TBX3: variants seen among roughly 807,000 people sequenced by gnomAD.
TBX3 encodes T-box transcription factor TBX3.
A neutral mutation model predicts 47.8 loss-of-function variants in TBX3; 11 were observed. That is an observed-to-expected ratio of 0.23 (90% CI 0.14 to 0.38). TBX3 has a LOEUF of 0.38. TBX3 is among the 10% of genes least tolerant of loss of function. TBX3 has a pLI of 1.00. For synonymous variants in TBX3, 500 were observed against 449.3 expected (o/e 1.11, Z -1.43); for missense variants, 927 against 1,022.8 (o/e 0.91, Z 1.28).
chr12:114,670,901 T>A lies in TBX3; in HGVS notation c.*940A>T. 1 of 214,468 alleles carries A rather than the reference T, an allele frequency of 4.7e-6. No individual in the cohort carries two copies. Among genetic ancestry groups the A allele is most frequent in the Non-Finnish European group, 9.4e-6 (1 of 106,158 alleles). 13.3% of individuals were successfully genotyped at this position (214,468 alleles called of 1,614,324 possible). On this transcript the variant is annotated 3_prime_UTR_variant, in exon 7 of 7. Transcript: ENST00000349155. The stretch of plus-strand genomic sequence containing the variant: ...TTCCAAGCATTCATATTCCACCTAT[T>A]TACAAGAGTTATCAAATAATTACAT...
intron 2 of TBX3, chr12:114,680,186 C>T (rs1285721504): frequency 1.7e-6 from 1 of 593,074 alleles, no homozygotes; most frequent in East Asian, 2.8e-5. Context: ...CCTAATCTTT[C>T]TGCTTACTCC....
chr12:114,670,953 C>A lies in TBX3; in HGVS notation c.*888G>T, dbSNP rs1015159064. On this transcript the variant is annotated 3_prime_UTR_variant, in exon 7 of 7. Coordinates refer to ENST00000349155, the MANE Select transcript of TBX3 (RefSeq NM_005996.4). ...AATACTTTGTCTAATAGTCTCACTT[C>A]TTTATTATTTTTTTAAAACCTTGTT... 3 of 210,804 alleles carry A rather than the reference C, an allele frequency of 1.4e-5. No individual in the cohort carries two copies. Among genetic ancestry groups the A allele is most frequent in the African/African-American group, 6.8e-5 (3 of 44,212 alleles). The allele number at this position is 210,804 out of a possible 1,614,324, so 13.1% of individuals were successfully genotyped here.
rs1404451909 is a variant in TBX3, at chr12:114,670,307, GA to G, written c.*1533del. 2 of 223,488 alleles carry G rather than the reference GA, an allele frequency of 8.9e-6. No homozygotes were observed. The highest frequency in any genetic ancestry group is 6.5e-5 in the East Asian group (1 of 15,328). 13.8% of individuals were successfully genotyped at this position (223,488 alleles called of 1,614,324 possible). On this transcript the variant is annotated 3_prime_UTR_variant, in exon 7 of 7. Coordinates refer to ENST00000349155, the MANE Select transcript of TBX3 (RefSeq NM_005996.4). ...TTCAGTGATGTTTTAAAGAGAGGGG[GA>G]AAAATACAGAAAACCAAAGAACTCA...
intron 3 of TBX3, among the ~76,000 whole-genome samples, chr12:114,678,261 G>A (rs1169248354): frequency 6.6e-6 from 1 of 152,096 alleles, no homozygotes; most frequent in Non-Finnish European, 1.5e-5. Context: ...GGTGGAGAAG[G>A]CCCATGGCCT....
chr12:114,683,430 C>A lies in TBX3; in HGVS notation c.-230G>T. ...GAGGCCGCTTTTAAAGAGGGCAAGG[C>A]GAAAAATCAGCAAACATAGTCGCGC... On this transcript the variant is annotated 5_prime_UTR_variant, in exon 1 of 7. Transcript: ENST00000349155. This position sits in a 1 kb window ranked among gnomAD's most constrained non-coding sequence, Gnocchi z 7.7. The A allele has an allele frequency of 1.7e-6, 1 of 586,982 alleles. No homozygotes were observed. Among genetic ancestry groups the A allele is most frequent in the Non-Finnish European group, 2.9e-6 (1 of 349,204 alleles). 36.4% of individuals were successfully genotyped at this position (586,982 alleles called of 1,614,324 possible).
chr12:114,671,778 T>G lies in TBX3; in HGVS notation c.*63A>C, dbSNP rs1868438248. The stretch of plus-strand genomic sequence containing the variant: ...CATGGCGGGCCCGTGGTTTATTTTA[T>G]ATCCGACAAAGTGCACGGCAGCCTG... On this transcript the variant is annotated 3_prime_UTR_variant, in exon 7 of 7. Coordinates refer to ENST00000349155, the MANE Select transcript of TBX3 (RefSeq NM_005996.4). The G allele has an allele frequency of 2.6e-6, 4 of 1,541,624 alleles. No individual in the cohort carries two copies. The African/African-American group carries it at 5.5e-5, about 21-fold the overall frequency.
In TBX3 at chr12:114,683,039, G is replaced by T; in HGVS notation, c.162C>A (p.Leu54=). The stretch of plus-strand genomic sequence containing the variant: ...GCTTGGCCAGGGCGCCCGGCAGCGA[G>T]AGCGCCGCCGCGCCGTTGGGAGGCA... ...LTLPPNGAAA[L]SLPGALAKPI... The change falls in exon 1 of 7, where the codon CTC becomes CTA. Residue 54 remains leucine (L), a synonymous_variant. Coordinates refer to ENST00000349155, the MANE Select transcript of TBX3 (RefSeq NM_005996.4). The surrounding 1 kb of genome is among the most constrained non-coding windows in gnomAD (Gnocchi z 7.7). The T allele has an allele frequency of 6.2e-7, 1 of 1,608,092 alleles. No homozygotes were observed. The highest frequency in any genetic ancestry group is 8.5e-7 in the Non-Finnish European group (1 of 1,176,052).
rs796622670 is a variant in TBX3 at position 114,678,791 on chromosome 12, C to T, written c.804+714G>A. ...TTTTTCTGTGCCCATGACCTTCAGGCCACCATAGCTCTAGATATCAGGTGC... is the reference window on the plus strand; with the variant it reads ...TTTTTCTGTGCCCATGACCTTCAGGTCACCATAGCTCTAGATATCAGGTGC... On this transcript the variant is annotated intron_variant, in intron 3 of 6. Coordinates refer to ENST00000349155, the MANE Select transcript of TBX3 (RefSeq NM_005996.4). Among the ~76,000 whole-genome samples the T allele has an allele frequency of 7.9e-5, 12 of 152,238 alleles. 1 individual carries two copies. Among genetic ancestry groups the T allele is most frequent in the African/African-American group, 2.9e-4 (12 of 41,540 alleles).
intron 3 of TBX3, among the ~76,000 whole-genome samples, chr12:114,678,308 A>G (rs1017388935): frequency 5.3e-5 from 8 of 152,176 alleles, no homozygotes; most frequent in Non-Finnish European, 1.2e-4. Context: ...TTATTATTAC[A>G]TTAACAACTT....
At chr12:114,673,692 C>T (rs1868557005) in intron 6 of TBX3, among the ~76,000 whole-genome samples, 1 of 152,186 alleles carries the variant, frequency 6.6e-6, no homozygotes, top group Non-Finnish European at 1.5e-5. Flanking sequence ...AAATCAGAAA[C>T]CCTCAAAGAG....
At chr12:114,681,274 T>C in intron 1 of TBX3, 128 bp from the exon 2 acceptor site, 1 of 1,315,428 alleles carries the variant, frequency 7.6e-7, no homozygotes, top group East Asian at 2.4e-5. Context: ...TAAGCTTACA[T>C]GTTTCAGAGT....
intron 6 of TBX3, among the ~76,000 whole-genome samples, chr12:114,673,282 GGAGACCAGAC>G (rs1197290281): frequency 1.3e-5 from 2 of 152,174 alleles, no homozygotes; most frequent in African/African-American, 4.8e-5. Flanking sequence ...CGCAGGGAAG[GGAGACCAGAC>G]GAATGTGCTC....
In TBX3 at chr12:114,671,102, T is replaced by C. The variant is rs8853; in HGVS notation, c.*739A>G. The C allele has an allele frequency of 0.5, 105,161 of 208,480 alleles. 27,209 individuals are homozygous for C. The highest frequency in any genetic ancestry group is 0.63 in the African/African-American group (27,759 of 44,030). 12.9% of individuals were successfully genotyped at this position (208,480 alleles called of 1,614,324 possible). On this transcript the variant is annotated 3_prime_UTR_variant, in exon 7 of 7. Transcript: ENST00000349155. ...CCTTCCCTTTAAATCCCCCCCTCCC[T>C]TGGGTCACTGATTTGAGGGCAAAGG...
rs886049010 is a variant in TBX3, at chr12:114,674,219, C to T, written c.1656G>A (p.Gly552=). The change falls in exon 6 of 7, where the codon GGG becomes GGA. Residue 552 remains glycine (G), a synonymous_variant. Coordinates refer to ENST00000349155, the MANE Select transcript of TBX3 (RefSeq NM_005996.4). ...ASAAAAQGLS[G]ASAATLPFHL... ...GGAAGGGCAGGGTGGCCGCGGACGC[C>T]CCGGACAGTCCCTGCGCCGCAGCGG... The T allele has an allele frequency of 7.0e-6, 11 of 1,577,922 alleles. No individual in the cohort carries two copies. In the East Asian group the frequency reaches 2.3e-4, roughly 33 times the overall value.
At position 114,671,973 on chromosome 12, in the gene TBX3, G is replaced by A. The variant is rs778820576; in HGVS notation, c.2040C>T (p.Ser680=). ...TGGGCGACAAGGACATGGAGCTGGAGGAGAGCGTGGAGGAGCGGCTGTTGA... is the reference window on the plus strand; with the variant it reads ...TGGGCGACAAGGACATGGAGCTGGAAGAGAGCGTGGAGGAGCGGCTGTTGA... ...SELNSRSSTL[S]SSSMSLSPKL... The change falls in exon 7 of 7, where the codon TCC becomes TCT. Residue 680 remains serine (S), a synonymous_variant. Coordinates refer to ENST00000349155, the MANE Select transcript of TBX3 (RefSeq NM_005996.4). 1.9e-6 allele frequency: 3 copies of A among 1,601,590 alleles called. No individual in the cohort carries two copies. Among genetic ancestry groups the A allele is most frequent in the Non-Finnish European group, 2.6e-6 (3 of 1,174,182 alleles).
At position 114,674,770 on chromosome 12, in the gene TBX3, C is replaced by A. The variant is rs2121385498; in HGVS notation, c.1105G>T (p.Ala369Ser). Reference sequence around the variant, plus strand: ...GTGGAGATCTTGGCCGCGTCGCAGGCCTCGGGGCCATGCTCCTCTTTGCTC... The same window carrying A: ...GTGGAGATCTTGGCCGCGTCGCAGGACTCGGGGCCATGCTCCTCTTTGCTC... ...AESKEEHGPE[A>S]CDAAKISTTT... The change falls in exon 6 of 7, where the codon GCC becomes TCC. Residue 369 changes from alanine to serine, a missense_variant. Ala to Ser is a moderately conservative substitution (Grantham distance 99, BLOSUM62 1). Around this residue, in one of 5 missense-constraint regions of TBX3, gnomAD observed 623 missense variants for 569.0 expected, o/e 1.09. Coordinates refer to ENST00000349155, the MANE Select transcript of TBX3 (RefSeq NM_005996.4). The A allele has an allele frequency of 6.3e-7, 1 of 1,588,566 alleles. No homozygotes were observed. Among genetic ancestry groups the A allele is most frequent in the Non-Finnish European group, 8.5e-7 (1 of 1,172,442 alleles).
rs1170796026 is a variant in TBX3 at position 114,671,423 on chromosome 12, T to C, written c.*418A>G. 1.0e-5 allele frequency: 3 copies of C among 295,094 alleles called. No individual in the cohort carries two copies. The highest frequency in any genetic ancestry group is 1.9e-5 in the Non-Finnish European group (3 of 156,668). The allele number at this position is 295,094 out of a possible 1,614,324, so 18.3% of individuals were successfully genotyped here. ...GTTAATGTGTTCACTTGTCCCGATTTTTTTTTTGAAAGATTTTGTTTTTGT... is the reference window on the plus strand; with the variant it reads ...GTTAATGTGTTCACTTGTCCCGATTCTTTTTTTGAAAGATTTTGTTTTTGT... On this transcript the variant is annotated 3_prime_UTR_variant, in exon 7 of 7. Coordinates refer to ENST00000349155, the MANE Select transcript of TBX3 (RefSeq NM_005996.4).
In TBX3 at chr12:114,671,897, G is replaced by C. The variant is rs1218875641; in HGVS notation, c.2116C>G (p.Arg706Gly). Reference protein sequence around the residue: ...AATSELQSIQRLVSGLEAKPD... With the variant: ...AATSELQSIQGLVSGLEAKPD... ...TTGGCTTCCAAGCCGCTAACCAACC[G>C]CTGGATGCTCTGCAGTTCGCTGGTG... is the stretch of plus-strand genomic sequence containing the variant. Residue 706 changes from arginine to glycine, a missense_variant, in exon 7 of 7, where the codon CGG becomes GGG. This residue lies in a region of TBX3 where 623 missense variants were observed against 569.0 expected (regional missense o/e 1.09). Coordinates refer to ENST00000349155, the MANE Select transcript of TBX3 (RefSeq NM_005996.4). 4 of 1,578,596 alleles carry C rather than the reference G, an allele frequency of 2.5e-6. No homozygotes were observed. The highest frequency in any genetic ancestry group is 3.4e-6 in the Non-Finnish European group (4 of 1,162,330).
chr12:114,671,173 A>G lies in TBX3; in HGVS notation c.*668T>C, dbSNP rs1868404238. On this transcript the variant is annotated 3_prime_UTR_variant, in exon 7 of 7. Transcript: ENST00000349155. ...CTATATTGTTTTCTCTCTAAAAGCA[A>G]GCGTTCAAAATAAAAACCACAAATA... 9.2e-6 allele frequency: 2 copies of G among 217,690 alleles called. No individual in the cohort carries two copies. Among genetic ancestry groups the G allele is most frequent in the Non-Finnish European group, 1.8e-5 (2 of 108,598 alleles). The allele number at this position is 217,690 out of a possible 1,614,324, so 13.5% of individuals were successfully genotyped here. A position where few individuals can be genotyped will look rare whatever the true frequency, so the allele number is the denominator to read the frequency against.
Sources: gnomAD v4.1 joint callset for allele counts (sites outside exome capture counted in the v4.1 genomes callset) on GRCh38, gnomAD v4.1.1 for gene constraint, gnomAD v4.1.1 regional missense constraint, Gnocchi (gnomAD v3.1) non-coding constraint, MANE v1.5 for transcripts, NCBI Gene and HGNC (gene_info 2026-07-23, HGNC 2026-07-21) for gene names.